ZNF320: variants seen among roughly 807,000 people sequenced by gnomAD.
The protein encoded by ZNF320 is zinc finger gene 320.
ZNF320 carries 2 observed loss-of-function variants against 6.8 expected under a neutral mutation model. The ratio of observed to expected loss-of-function variants is 0.29; its 90% confidence interval spans 0.12 to 0.93. The LOEUF (loss-of-function observed/expected upper bound fraction) is 0.93. Among genes scored for constraint, ZNF320 ranks in the 40% least tolerant of loss-of-function variants. The probability of loss-of-function intolerance (pLI) is 0.55; values close to 1 mark genes in which losing one functional copy is unlikely to be tolerated. For synonymous variants in ZNF320, 208 were observed against 203.2 expected (o/e 1.02, Z -0.20); for missense variants, 472 against 611.0 (o/e 0.77, Z 2.40).
Position 52,881,202 on chromosome 19 carries a change from C to T in ZNF320, c.924G>A (p.Lys308=). Residue 308 remains lysine (K), a synonymous_variant, in exon 6 of 6, where the codon AAG becomes AAA. Coordinates refer to ENST00000682928, the MANE Select transcript of ZNF320 (RefSeq NM_001351774.2). ...CAAGAGTTGCTCGTTGCTTAAAAAC[C>T]TTGCCACATTCATTACACTTATAGG... is the stretch of plus-strand genomic sequence containing the variant. ...EKPYKCNECG[K]VFKQRATLAG... is the part of the protein sequence containing the mutation. 6.2e-7 allele frequency: 1 copy of T among 1,614,122 alleles called. No homozygotes were observed. Among genetic ancestry groups the T allele is most frequent in the Non-Finnish European group, 8.5e-7 (1 of 1,180,028 alleles).
chr19:52,862,583 C>A, exon 6 of ZNF320: 1 of 421,378 alleles, frequency 2.4e-6, no homozygotes, highest in Non-Finnish European at 4.5e-6. Context: ...GTCATTACAT[C>A]TGTGAGCTTT....
chr19:52,867,789 T>G (rs973996979), intron 5 of ZNF320, among the ~76,000 whole-genome samples: 1 of 151,960 alleles, frequency 6.6e-6, no homozygotes, highest in Non-Finnish European at 1.5e-5. Flanking sequence ...TTTTTGTATT[T>G]GTAGTTGAGA....
At chr19:52,875,163 A>G (rs2063742760), downstream of ZNF320, among the ~76,000 whole-genome samples, 1 of 152,130 alleles carries the variant, frequency 6.6e-6, no homozygotes, top group African/African-American at 2.4e-5. Context: ...CTTAAAATAC[A>G]TGCTGTCAAG....
At chr19:52,899,619 A>G (rs2064564259), upstream of ZNF320, among the ~76,000 whole-genome samples, 1 of 151,826 alleles carries the variant, frequency 6.6e-6, no homozygotes, top group Non-Finnish European at 1.5e-5. Flanking sequence ...CTGCCACCGC[A>G]CCCGGCTAAT....
chr19:52,869,952 G>A (rs970086255), intron 5 of ZNF320, among the ~76,000 whole-genome samples: 5 of 151,688 alleles, frequency 3.3e-5, no homozygotes, highest in Non-Finnish European at 5.9e-5. Context: ...TCCTGACCTC[G>A]TGATCCACCC....
At chr19:52,886,917 A>C (rs1346918801) in intron 5 of ZNF320, among the ~76,000 whole-genome samples, 1 of 151,874 alleles carries the variant, frequency 6.6e-6, no homozygotes, top group African/African-American at 2.4e-5. Flanking sequence ...CCTGGATGAA[A>C]GAGTGAAACT....
At chr19:52,874,721 G>T (rs1431472361), downstream of ZNF320, among the ~76,000 whole-genome samples, 2 of 152,092 alleles carry the variant, frequency 1.3e-5, no homozygotes, top group Non-Finnish European at 2.9e-5. Flanking sequence ...CAGAGGTGGG[G>T]GTGAAGGTGG....
At chr19:52,884,065 T>A (rs1814158267) in intron 5 of ZNF320, among the ~76,000 whole-genome samples, 1 of 152,144 alleles carries the variant, frequency 6.6e-6, no homozygotes. Flanking sequence ...AAAGAGCTCA[T>A]TGCCTGTTCC....
chr19:52,883,118 T>C (rs2063973445), intron 5 of ZNF320, among the ~76,000 whole-genome samples: 1 of 152,086 alleles, frequency 6.6e-6, no homozygotes, highest in South Asian at 2.1e-4. Flanking sequence ...CTTGGTTCAC[T>C]GCAACCTCCG....
intron 1 of ZNF320, among the ~76,000 whole-genome samples, chr19:52,894,424 G>A (rs750714646): frequency 2.0e-5 from 3 of 150,764 alleles, no homozygotes; most frequent in Non-Finnish European, 4.4e-5. Context: ...GAAAATTCCA[G>A]GACTATCTTT....
intron 4 of ZNF320, among the ~76,000 whole-genome samples, chr19:52,888,981 T>G (rs938921479): frequency 2.0e-5 from 3 of 151,970 alleles, no homozygotes; most frequent in Admixed American, 1.3e-4. Flanking sequence ...GTCAGCAGTT[T>G]GAGACTAGCC....
chr19:52,875,548 C>G (rs1276822956), downstream of ZNF320, among the ~76,000 whole-genome samples: 1 of 152,200 alleles, frequency 6.6e-6, no homozygotes, highest in African/African-American at 2.4e-5. Context: ...GAGCAGTACC[C>G]TCTCCTAAAG....
chr19:52,873,603 C>G (rs1452415389), downstream of ZNF320, among the ~76,000 whole-genome samples: 1 of 152,202 alleles, frequency 6.6e-6, no homozygotes, highest in Non-Finnish European at 1.5e-5. Flanking sequence ...AATCTGATCT[C>G]TCTTTTATTC....
downstream of ZNF320, among the ~76,000 whole-genome samples, chr19:52,859,816 A>G (rs1346208927): frequency 2.0e-5 from 3 of 151,884 alleles, no homozygotes; most frequent in Non-Finnish European, 4.4e-5. Flanking sequence ...TTTTAAATTG[A>G]TATTAGGAAA....
intron 5 of ZNF320, among the ~76,000 whole-genome samples, chr19:52,868,429 C>A (rs565939960): frequency 1.3e-5 from 2 of 151,904 alleles, no homozygotes; most frequent in East Asian, 3.9e-4. Flanking sequence ...TCGCTCGAAC[C>A]CCCGGGGCGG....
At chr19:52,889,413 C>T (rs1431305381) in intron 4 of ZNF320, among the ~76,000 whole-genome samples, 1 of 151,892 alleles carries the variant, frequency 6.6e-6, no homozygotes, top group Non-Finnish European at 1.5e-5. Flanking sequence ...GATCATGCCA[C>T]TGTACTCCAG....
intron 5 of ZNF320, among the ~76,000 whole-genome samples, chr19:52,884,391 C>T (rs1272149550): frequency 6.6e-6 from 1 of 152,180 alleles, no homozygotes; most frequent in Non-Finnish European, 1.5e-5. Context: ...GATCTCAGCT[C>T]CCTGCAACCT....
chr19:52,881,610 G>C lies in ZNF320; in HGVS notation c.516C>G (p.Cys172Trp), dbSNP rs763331618. ...TCCTATGTATTTCAAGATGTGATTTGCAACTGAAAACTTTCTCACATTCTT... is the reference window on the plus strand; with the variant it reads ...TCCTATGTATTTCAAGATGTGATTTCCAACTGAAAACTTTCTCACATTCTT... ...KCEECEKVFSCKSHLEIHRII... is the reference protein window; with the variant it reads ...KCEECEKVFSWKSHLEIHRII... Residue 172 changes from cysteine to tryptophan, a missense_variant, in exon 6 of 6, where the codon TGC becomes TGG. Coordinates refer to ENST00000682928, the MANE Select transcript of ZNF320 (RefSeq NM_001351774.2). The C allele has an allele frequency of 6.2e-7, 1 of 1,613,684 alleles. No individual in the cohort carries two copies. The highest frequency in any genetic ancestry group is 1.1e-5 in the South Asian group (1 of 91,066).
At chr19:52,867,903 C>T (rs1444319462) in intron 5 of ZNF320, among the ~76,000 whole-genome samples, 3 of 152,102 alleles carry the variant, frequency 2.0e-5, no homozygotes, top group Admixed American at 6.6e-5. Flanking sequence ...TGAGCCACCG[C>T]ACCCGGCCAT....
Sources: allele counts gnomAD v4.1 joint callset (sites outside exome capture counted in the v4.1 genomes callset), GRCh38; gene constraint gnomAD v4.1.1; transcripts MANE v1.5; gene names NCBI Gene and HGNC (gene_info 2026-07-23, HGNC 2026-07-21).